The following PNPLA6 variants were observed in gnomAD, a reference collection of about 807,000 sequenced individuals.
PNPLA6 encodes the protein patatin like domain 6, lysophospholipase, also known as patatin-like phospholipase domain-containing protein 6.
In PNPLA6, 105 loss-of-function variants were observed where a neutral mutation model predicts 153.7. The observed-to-expected ratio is 0.68, with a 90% confidence interval of 0.58 to 0.80. The LOEUF (loss-of-function observed/expected upper bound fraction) is 0.80, where lower values mean the gene tolerates loss of function less well. Ranked by LOEUF, PNPLA6 falls within the 30% of genes least tolerant of loss-of-function variation. The pLI is 0.00. For synonymous variants in PNPLA6, 825 were observed against 822.2 expected (o/e 1.00, Z -0.06); for missense variants, 1,423 against 1,919.3 (o/e 0.74, Z 4.83).
In PNPLA6 at chr19:7,543,889, C is replaced by T. The variant is rs368638208; in HGVS notation, c.1608+805C>T. Among the ~76,000 whole-genome samples, 29 of 151,534 alleles carry T rather than the reference C, an allele frequency of 1.9e-4. 2 individuals carry two copies. The East Asian group carries it at 5.0e-3, about 26-fold the overall frequency. On this transcript the variant is annotated intron_variant, in intron 13 of 31. Coordinates refer to ENST00000600737, the MANE Select transcript of PNPLA6 (RefSeq NM_001166114.2). The stretch of plus-strand genomic sequence containing the variant: ...GCTGCAGTGGCGTGACGGTGGCTCA[C>T]TGCAAGCTCCGCCTCCCGGGTTCAC...
intron 13 of PNPLA6, among the ~76,000 whole-genome samples, chr19:7,547,559 C>G (rs927155929): frequency 6.6e-6 from 1 of 152,094 alleles, no homozygotes; most frequent in African/African-American, 2.4e-5. Flanking sequence ...GTCTCCAACT[C>G]CTGGGCTGAA....
At chr19:7,539,872 C>T (rs1228426464) in intron 3 of PNPLA6, 46 bp from the exon 4 acceptor site, 1 of 1,358,650 alleles carries the variant, frequency 7.4e-7, no homozygotes, top group East Asian at 2.5e-5. Context: ...TTGCCTGAGC[C>T]TTCTCCGTGC....
chr19:7,550,166 G>T (rs962918935), intron 14 of PNPLA6, 54 bp downstream of exon 14: 6 of 1,609,628 alleles, frequency 3.7e-6, no homozygotes, highest in Non-Finnish European at 5.1e-6. Flanking sequence ...CCCAACCCGT[G>T]GGAGTGGCCA....
intron 26 of PNPLA6, 158 bp from the exon 27 acceptor site, chr19:7,557,010 T>C (rs1164729855): frequency 2.6e-6 from 2 of 774,042 alleles, no homozygotes; most frequent in Non-Finnish European, 4.6e-6. Flanking sequence ...CTACTGCCCC[T>C]ACCTGCCCCC....
At position 7,552,483 on chromosome 19, in the gene PNPLA6, C is replaced by T. The variant is rs2023692376; in HGVS notation, c.2260+1046C>T. Among the ~76,000 whole-genome samples, 3 of 152,000 alleles carry T rather than the reference C, an allele frequency of 2.0e-5. 1 individual carries two copies. Among genetic ancestry groups the T allele is most frequent in the Non-Finnish European group, 4.4e-5 (3 of 67,992 alleles). The stretch of plus-strand genomic sequence containing the variant: ...ATTAAGAAATTACAGAGGCCTGGGG[C>T]GGTGGGTCACGCCTGTAATCTCAGC... On this transcript the variant is annotated intron_variant, in intron 18 of 31. Transcript: ENST00000600737.
rs150392453 is a variant in PNPLA6 at position 7,561,524 on chromosome 19, C to T, written c.4060C>T (p.Leu1354=). The change falls in exon 32 of 32, where the codon CTG becomes TTG. Residue 1354 remains leucine (L), a synonymous_variant. Transcript: ENST00000600737. ...GTCGATTCTCCGGCAACGACGCTGT[C>T]TGCCCCAGGAGCCGCCCGGCTCAGC... ...EKSILRQRRC[L]PQEPPGSATD... 3.3e-4 allele frequency: 528 copies of T among 1,608,852 alleles called. 1 individual carries two copies. The African/African-American group carries it at 6.3e-3, about 19-fold the overall frequency.
chr19:7,538,978 T>C (rs1037755375), intron 3 of PNPLA6, among the ~76,000 whole-genome samples: 11 of 152,184 alleles, frequency 7.2e-5, no homozygotes, highest in African/African-American at 2.7e-4. Flanking sequence ...CTCAGGGGCC[T>C]ATGCCTAGTG....
intron 18 of PNPLA6, among the ~76,000 whole-genome samples, chr19:7,552,105 G>C (rs1018415295): frequency 6.6e-6 from 1 of 152,166 alleles, no homozygotes; most frequent in Non-Finnish European, 1.5e-5. Flanking sequence ...GCTAGAACCT[G>C]TTTCAGAAAA....
At position 7,541,240 on chromosome 19, in the gene PNPLA6, G is replaced by A; in HGVS notation, c.925-114G>A. 1 of 1,124,516 alleles carries A rather than the reference G, an allele frequency of 8.9e-7. No homozygotes were observed. The highest frequency in any genetic ancestry group is 1.3e-6 in the Non-Finnish European group (1 of 764,092). The allele number at this position is 1,124,516 out of a possible 1,614,324, so 69.7% of individuals were successfully genotyped here. ...GCCTCGCCCCATTTCCCCAGACTGT[G>A]GGTCTCTCCCTGGTTCCCGCCCGAC... On this transcript the variant is annotated intron_variant, in intron 7 of 31. Coordinates refer to ENST00000600737, the MANE Select transcript of PNPLA6 (RefSeq NM_001166114.2). This position sits in a 1 kb window ranked among gnomAD's most constrained non-coding sequence, Gnocchi z 5.2.
chr19:7,555,829 C>G lies in PNPLA6; in HGVS notation c.3093+66C>G. 1.9e-6 allele frequency: 3 copies of G among 1,560,536 alleles called. No homozygotes were observed. The highest frequency in any genetic ancestry group is 2.6e-6 in the Non-Finnish European group (3 of 1,140,358). On this transcript the variant is annotated intron_variant, in intron 24 of 31. Transcript: ENST00000600737. This position sits in a 1 kb window ranked among gnomAD's most constrained non-coding sequence, Gnocchi z 6.3. ...CATAAAACCCGTGGTTCCAACCTAA[C>G]CTGATCCCATGGGGGAGCCTCCGGG...
rs762751368 is a variant in PNPLA6 at position 7,555,648 on chromosome 19, CG to C, written c.2983del (p.Val995SerfsTer39). The C allele has an allele frequency of 4.3e-6, 7 of 1,612,886 alleles. No homozygotes were observed. Among genetic ancestry groups the C allele is most frequent in the Non-Finnish European group, 5.9e-6 (7 of 1,179,796 alleles). ...GGAGTACTAAAGGCATTAGAGGAGG[CG>C]GGGGTCCCCGTGGACCTGGTGGGCG... ...HIGVLKALEE[A>X]GVPVDLVGGT... On this transcript the variant is annotated frameshift_variant, in exon 24 of 32. Coordinates refer to ENST00000600737, the MANE Select transcript of PNPLA6 (RefSeq NM_001166114.2). LOFTEE classifies it high-confidence loss of function. The surrounding 1 kb of genome is among the most constrained non-coding windows in gnomAD (Gnocchi z 6.3).
chr19:7,549,833 G>T (rs982656241), intron 13 of PNPLA6, 74 bp from the exon 14 acceptor site: 4 of 1,409,596 alleles, frequency 2.8e-6, no homozygotes, highest in Non-Finnish European at 4.0e-6. Context: ...ATTTTTTCCT[G>T]TGGGGGCATG....
Position 7,558,907 on chromosome 19 carries a change from A to G in PNPLA6, c.3455A>G (p.Gln1152Arg). ...KTVIAIDVGS[Q>R]DETDLSTYGD... is the part of the protein sequence containing the mutation. ...GTCATCGCCATTGACGTGGGGAGCC[A>G]GGATGAGACGGACCTCAGCACCTAC... Residue 1152 changes from glutamine (Q) to arginine (R), a missense_variant, in exon 28 of 32, where the codon CAG (glutamine) becomes CGG (arginine). Gln to Arg is a conservative substitution (Grantham distance 43). This residue lies in a region of PNPLA6 where 643 missense variants were observed against 835.2 expected (regional missense o/e 0.77). Transcript: ENST00000600737. The G allele has an allele frequency of 6.2e-7, 1 of 1,614,040 alleles. No homozygotes were observed. Among genetic ancestry groups the G allele is most frequent in the Non-Finnish European group, 8.5e-7 (1 of 1,180,012 alleles).
chr19:7,535,612 C>T (rs1465834514), upstream of PNPLA6: 8 of 1,592,120 alleles, frequency 5.0e-6, no homozygotes, highest in East Asian at 1.6e-4. The surrounding 1 kb of genome is among the most constrained non-coding windows in gnomAD (Gnocchi z 5.0). Flanking sequence ...TAGGTGCCGG[C>T]GTGGGGCGCC....
rs759341701 is a variant in PNPLA6 at position 7,536,514 on chromosome 19, G to T, written c.381G>T (p.Arg127Ser). ...SVSATSRPRM[R>S]KKLKMLNIAK... ...CCGCCACCTCCCGGCCACGCATGAG[G>T]AAGAAACTGAAGATGCTCAACATTG... is the stretch of plus-strand genomic sequence containing the variant. Residue 127 changes from arginine to serine, a missense_variant, in exon 3 of 32, where the codon AGG (arginine) becomes AGT (serine). Arg to Ser is a moderately radical substitution (Grantham distance 110). This residue lies in a region of PNPLA6 where 74 missense variants were observed against 171.3 expected (regional missense o/e 0.43). Transcript: ENST00000600737. The T allele has an allele frequency of 6.2e-7, 1 of 1,613,720 alleles. No homozygotes were observed. The highest frequency in any genetic ancestry group is 8.5e-7 in the Non-Finnish European group (1 of 1,179,582).
At chr19:7,554,823 C>A in intron 21 of PNPLA6, 70 bp from the exon 22 acceptor site, 1 of 1,569,516 alleles carries the variant, frequency 6.4e-7, no homozygotes, top group Non-Finnish European at 8.6e-7. Flanking sequence ...TGGGGGTAGG[C>A]GATCAGGGAC....
chr19:7,545,550 A>G (rs775373333), intron 13 of PNPLA6, among the ~76,000 whole-genome samples: 1 of 152,152 alleles, frequency 6.6e-6, no homozygotes, highest in Non-Finnish European at 1.5e-5. Flanking sequence ...CAGGCTACCC[A>G]AAGAAGAAAG....
Position 7,551,355 on chromosome 19 carries a change from C to T in PNPLA6, c.2185-7C>T, listed in dbSNP as rs200274429. 3 of 1,613,598 alleles carry T rather than the reference C, an allele frequency of 1.9e-6. No individual in the cohort carries two copies. The highest frequency in any genetic ancestry group is 2.5e-6 in the Non-Finnish European group (3 of 1,179,662). ...CTCACTGAAATGCCGGCCTCCAACG[C>T]CCCCAGGTCGTGACCCGCCTTATCC... On this transcript the variant is annotated splice_polypyrimidine_tract_variant and splice_region_variant and intron_variant, in intron 17 of 31. Transcript: ENST00000600737.
rs1247697778 is a variant in PNPLA6, at chr19:7,555,902, A to G, written c.3093+139A>G. ...AAATCTATGATCCCCAGCTGTCCGG[A>G]CTTTTATAGATAAGCTTCTAGGACT... On this transcript the variant is annotated intron_variant, in intron 24 of 31. Transcript: ENST00000600737. The surrounding 1 kb of genome is among the most constrained non-coding windows in gnomAD (Gnocchi z 6.3). 1.1e-6 allele frequency: 1 copy of G among 912,712 alleles called. No homozygotes were observed. Among genetic ancestry groups the G allele is most frequent in the East Asian group, 2.6e-5 (1 of 38,204 alleles). 56.5% of individuals were successfully genotyped at this position (912,712 alleles called of 1,614,324 possible).
Sources: gnomAD v4.1 joint callset for allele counts (sites outside exome capture counted in the v4.1 genomes callset) on GRCh38, gnomAD v4.1.1 for gene constraint, gnomAD v4.1.1 regional missense constraint, Gnocchi (gnomAD v3.1) non-coding constraint, MANE v1.5 for transcripts, NCBI Gene and HGNC (gene_info 2026-07-23, HGNC 2026-07-21) for gene names.